The following PTPRK variants were observed in gnomAD, a reference collection of about 807,000 sequenced individuals.
The protein encoded by PTPRK is protein tyrosine phosphatase receptor type K.
A neutral mutation model predicts 178.0 loss-of-function variants in PTPRK; 75 were observed. That is an observed-to-expected ratio of 0.42 (90% CI 0.35 to 0.51). PTPRK has a LOEUF of 0.51. Among genes scored for constraint, PTPRK ranks in the 20% least tolerant of loss-of-function variants. The pLI is 0.02. For synonymous variants in PTPRK, 637 were observed against 620.6 expected (o/e 1.03, Z -0.39); for missense variants, 1,441 against 1,797.8 (o/e 0.80, Z 3.59).
intron 21 of PTPRK, 76 bp downstream of exon 21, chr6:127,990,693 A>G: frequency 1.1e-6 from 1 of 942,800 alleles, no homozygotes; most frequent in Non-Finnish European, 1.7e-6. Context: ...CATCATCAAA[A>G]CAGAACTTGG....
intron 7 of PTPRK, among the ~76,000 whole-genome samples, chr6:128,094,152 T>C (rs1010775198): frequency 3.9e-5 from 6 of 151,908 alleles, no homozygotes; most frequent in South Asian, 2.1e-4. Context: ...ACAGGAAAGG[T>C]TGGTTGGGAA....
intron 12 of PTPRK, among the ~76,000 whole-genome samples, chr6:128,066,976 C>T (rs746432614): frequency 6.6e-6 from 1 of 152,164 alleles, no homozygotes; most frequent in African/African-American, 2.4e-5. Context: ...CCAGTCATCG[C>T]CAGGCTGCCT....
At chr6:128,511,176 T>TCTGTAA (rs1857127278) in intron 1 of PTPRK, among the ~76,000 whole-genome samples, 1 of 152,186 alleles carries the variant, frequency 6.6e-6, no homozygotes, top group Admixed American at 6.5e-5. Flanking sequence ...TCTGTAAATG[T>TCTGTAA]ATACAAGCCT....
intron 2 of PTPRK, 94 bp from the exon 3 acceptor site, chr6:128,322,404 A>C: frequency 7.9e-7 from 1 of 1,270,086 alleles, no homozygotes; most frequent in Non-Finnish European, 1.1e-6. Context: ...TGAGCATTAA[A>C]TTTAAGTTAA....
At chr6:128,177,794 A>G (rs1051788903) in intron 7 of PTPRK, among the ~76,000 whole-genome samples, 18 of 151,872 alleles carry the variant, frequency 1.2e-4, no homozygotes, top group African/African-American at 4.3e-4. Flanking sequence ...AGCAGAATGT[A>G]TAGGTGTTGA....
At chr6:128,415,296 A>G (rs1842727125) in intron 1 of PTPRK, among the ~76,000 whole-genome samples, 2 of 152,180 alleles carry the variant, frequency 1.3e-5, no homozygotes, top group African/African-American at 4.8e-5. Context: ...TTCTCTAGGA[A>G]TCTTAGTTTT....
At chr6:128,180,481 T>C (rs2114682240) in intron 7 of PTPRK, among the ~76,000 whole-genome samples, 1 of 152,130 alleles carries the variant, frequency 6.6e-6, no homozygotes, top group Non-Finnish European at 1.5e-5. Flanking sequence ...TAGAGAAGCA[T>C]GAGGTAGGCT....
intron 13 of PTPRK, among the ~76,000 whole-genome samples, chr6:128,038,446 C>T (rs1409916691): frequency 1.3e-5 from 2 of 152,068 alleles, no homozygotes; most frequent in East Asian, 3.8e-4. Context: ...ATGCTTTCTT[C>T]CACTTTGATT....
At chr6:128,180,034 GTAT>G (rs1337121264) in intron 7 of PTPRK, among the ~76,000 whole-genome samples, 2 of 151,994 alleles carry the variant, frequency 1.3e-5, no homozygotes, top group Non-Finnish European at 2.9e-5. Context: ...CTGCATAAAT[GTAT>G]TATGTTCTGG....
At chr6:128,416,543 A>G (rs1842878170) in intron 1 of PTPRK, among the ~76,000 whole-genome samples, 2 of 149,812 alleles carry the variant, frequency 1.3e-5, no homozygotes, top group African/African-American at 4.9e-5. Context: ...GCTACTCGGG[A>G]GGGCTGAGGC....
chr6:128,192,649 A>G (rs550936158), intron 6 of PTPRK, among the ~76,000 whole-genome samples: 1 of 151,952 alleles, frequency 6.6e-6, no homozygotes, highest in Non-Finnish European at 1.5e-5. Context: ...GTGAAACCCC[A>G]TCTCCACAAA....
At chr6:128,187,746 G>C (rs1037001180) in intron 6 of PTPRK, among the ~76,000 whole-genome samples, 8 of 152,064 alleles carry the variant, frequency 5.3e-5, no homozygotes, top group Non-Finnish European at 7.4e-5. Context: ...CAAAGCAATT[G>C]CTCAAATTTG....
chr6:127,970,868 T>G (rs1474468283), intron 29 of PTPRK, among the ~76,000 whole-genome samples: 1 of 152,160 alleles, frequency 6.6e-6, no homozygotes, highest in Non-Finnish European at 1.5e-5. Flanking sequence ...ATTGTTTGAC[T>G]ATTAAGTTGC....
In PTPRK at chr6:128,376,005, C is replaced by T. The variant is rs532567831; in HGVS notation, c.223+21561G>A. Among the ~76,000 whole-genome samples, 59 of 152,304 alleles carry T rather than the reference C, an allele frequency of 3.9e-4. 1 individual carries two copies. The South Asian group carries it at 0.012, about 31-fold the overall frequency. Reference sequence around the variant, plus strand: ...TGTGGCTTTACATGCTATAGCCCCTCTCCTGTCTGCTTTCATGGGTTGGCA... The same window carrying T: ...TGTGGCTTTACATGCTATAGCCCCTTTCCTGTCTGCTTTCATGGGTTGGCA... On this transcript the variant is annotated intron_variant, in intron 2 of 29. Coordinates refer to ENST00000368226, the MANE Select transcript of PTPRK (RefSeq NM_002844.4).
chr6:128,077,570 C>T (rs948059742), intron 11 of PTPRK, among the ~76,000 whole-genome samples: 3 of 150,018 alleles, frequency 2.0e-5, no homozygotes, highest in African/African-American at 7.6e-5. Flanking sequence ...CAAATGTATT[C>T]CTTTTACACA....
At chr6:128,031,337 C>T (rs1562465754) in intron 13 of PTPRK, among the ~76,000 whole-genome samples, 1 of 152,180 alleles carries the variant, frequency 6.6e-6, no homozygotes, top group Non-Finnish European at 1.5e-5. Context: ...CAAACTGCAG[C>T]TAAAGATATA....
At chr6:127,992,558 C>A (rs755971046) in intron 19 of PTPRK, 115 bp downstream of exon 19, 30 of 788,990 alleles carry the variant, frequency 3.8e-5, no homozygotes, top group Non-Finnish European at 6.1e-5. Flanking sequence ...CAGTGTTAAT[C>A]AGAAGGGCTG....
intron 6 of PTPRK, among the ~76,000 whole-genome samples, chr6:128,188,406 T>C (rs1583394917): frequency 6.6e-6 from 1 of 152,200 alleles, no homozygotes; most frequent in East Asian, 1.9e-4. Context: ...ATAGAAGCCA[T>C]AAATCCAGGA....
chr6:128,350,605 T>C (rs181797782), intron 2 of PTPRK, among the ~76,000 whole-genome samples: 18 of 152,346 alleles, frequency 1.2e-4, no homozygotes. Flanking sequence ...CACAGTGCTT[T>C]GTAAATATTT....
Sources: gnomAD v4.1 joint callset for allele counts (sites outside exome capture counted in the v4.1 genomes callset) on GRCh38, gnomAD v4.1.1 for gene constraint, MANE v1.5 for transcripts, NCBI Gene and HGNC (gene_info 2026-07-23, HGNC 2026-07-21) for gene names.